TNN: variants seen among roughly 807,000 people sequenced by gnomAD.
The protein encoded by TNN is tenascin-N.
A neutral mutation model predicts 134.4 loss-of-function variants in TNN; 122 were observed. The observed-to-expected ratio is 0.91, with a 90% CI of 0.78 to 1.06. The LOEUF is 1.06. Among genes scored for constraint, TNN ranks in the 50% least tolerant of loss-of-function variants. TNN has a pLI of 0.00. For synonymous variants in TNN, 710 were observed against 670.3 expected (o/e 1.06, Z -0.91); for missense variants, 1,739 against 1,699.4 (o/e 1.02, Z -0.41).
intron 9 of TNN, among the ~76,000 whole-genome samples, chr1:175,099,250 C>G (rs769289292): frequency 6.6e-6 from 1 of 152,214 alleles, no homozygotes; most frequent in African/African-American, 2.4e-5. Context: ...TCAAGCACTG[C>G]TCTTCTAGCT....
chr1:175,123,733 C>T (rs1356275989), intron 12 of TNN, 70 bp downstream of exon 12: 54 of 1,591,910 alleles, frequency 3.4e-5, no homozygotes, highest in Non-Finnish European at 4.4e-5. Context: ...CATCAGTGGG[C>T]TGGGGAGGGG....
intron 10 of TNN, among the ~76,000 whole-genome samples, chr1:175,117,574 G>A (rs757863167): frequency 2.0e-5 from 3 of 152,240 alleles, no homozygotes; most frequent in East Asian, 1.9e-4. Flanking sequence ...CTTTAAGAAC[G>A]TAGATGTCAC....
In TNN at chr1:175,135,916, G is replaced by A; in HGVS notation, c.3402G>A (p.Gly1134=). ...KRWRSYVEGF[G]DPMKEFWLGL... ...GGAGGAGCTATGTGGAAGGCTTTGGGGACCCCATGAAGGAGTTCTGGCTTG... is the reference window on the plus strand; with the variant it reads ...GGAGGAGCTATGTGGAAGGCTTTGGAGACCCCATGAAGGAGTTCTGGCTTG... The change falls in exon 16 of 19, where the codon GGG becomes GGA. Residue 1134 remains glycine, a synonymous_variant. Coordinates refer to ENST00000239462, the MANE Select transcript of TNN (RefSeq NM_022093.2). 6.2e-7 allele frequency: 1 copy of A among 1,613,624 alleles called. No individual in the cohort carries two copies. The highest frequency in any genetic ancestry group is 8.5e-7 in the Non-Finnish European group (1 of 1,179,702).
At position 175,118,832 on chromosome 1, in the gene TNN, A is replaced by G. The variant is rs1406244376; in HGVS notation, c.2650+8A>G. 1 of 1,613,814 alleles carries G rather than the reference A, an allele frequency of 6.2e-7. No individual in the cohort carries two copies. Among genetic ancestry groups the G allele is most frequent in the Admixed American group, 1.7e-5 (1 of 59,906 alleles). On this transcript the variant is annotated splice_region_variant and intron_variant, in intron 11 of 18. Transcript: ENST00000239462. ...ACACCAAGGCCCAGACAGGTAATAG[A>G]AGTGAAGAGAAGAGCAAACCCGGGT... is the stretch of plus-strand genomic sequence containing the variant.
intron 5 of TNN, 81 bp from the exon 6 acceptor site, chr1:175,085,324 G>A: frequency 1.1e-6 from 1 of 892,164 alleles, no homozygotes; most frequent in Non-Finnish European, 1.8e-6. Flanking sequence ...TCCCTCACGG[G>A]AGAAATCCCA....
In TNN at chr1:175,128,113, G is replaced by A; in HGVS notation, c.3127G>A (p.Ala1043Thr). Residue 1043 changes from alanine (A) to threonine (T), a missense_variant, in exon 14 of 19, where the codon GCC becomes ACC. Ala to Thr is a moderately conservative substitution (Grantham distance 58). Coordinates refer to ENST00000239462, the MANE Select transcript of TNN (RefSeq NM_022093.2). ...CGCCACCTACCCTGTCTCCCTTGTTGCCTTTAAGGGTGGTCGCCGGAGCAG... is the reference window on the plus strand; with the variant it reads ...CGCCACCTACCCTGTCTCCCTTGTTACCTTTAAGGGTGGTCGCCGGAGCAG... The part of the protein sequence containing the change: ...QGATYPVSLV[A>T]FKGGRRSRNV... 6.2e-7 allele frequency: 1 copy of A among 1,613,588 alleles called. No homozygotes were observed. The highest frequency in any genetic ancestry group is 1.1e-5 in the South Asian group (1 of 91,064).
intron 9 of TNN, among the ~76,000 whole-genome samples, chr1:175,099,994 C>A (rs879824037): frequency 3.3e-5 from 5 of 152,154 alleles, no homozygotes; most frequent in Non-Finnish European, 7.4e-5. Context: ...CTGTGCTAGG[C>A]CCAAGTCTGG....
intron 6 of TNN, among the ~76,000 whole-genome samples, chr1:175,086,800 A>G (rs926848035): frequency 1.3e-5 from 2 of 152,240 alleles, no homozygotes; most frequent in Admixed American, 6.5e-5. Flanking sequence ...ATAGTGGACT[A>G]GGGAACTGTT....
At chr1:175,135,794 C>T in intron 15 of TNN, 51 bp from the exon 16 acceptor site, 2 of 1,433,966 alleles carry the variant, frequency 1.4e-6, no homozygotes, top group Non-Finnish European at 2.0e-6. Flanking sequence ...TGTCTCCCAG[C>T]ACCTATGTCT....
intron 5 of TNN, 114 bp from the exon 6 acceptor site, chr1:175,085,291 G>A (rs1558350824): frequency 1.5e-6 from 1 of 689,194 alleles, no homozygotes; most frequent in Non-Finnish European, 2.6e-6. Flanking sequence ...CATCTTTGGA[G>A]GAGGAAGCAT....
At chr1:175,089,331 A>G (rs1025944571) in intron 6 of TNN, among the ~76,000 whole-genome samples, 2 of 152,218 alleles carry the variant, frequency 1.3e-5, no homozygotes, top group African/African-American at 4.8e-5. Flanking sequence ...AACTAACACC[A>G]TGACAGGGAA....
Position 175,103,244 on chromosome 1 carries a change from C to T in TNN, c.2119+4649C>T, listed in dbSNP as rs765374871. On this transcript the variant is annotated intron_variant, in intron 9 of 18. Coordinates refer to ENST00000239462, the MANE Select transcript of TNN (RefSeq NM_022093.2). The stretch of plus-strand genomic sequence containing the variant: ...GAAGTTGGTATAAGAATTTGAAAGG[C>T]GTTGTCTGATTTCAGAAGCCTTTTC... 3.6e-4 allele frequency among the ~76,000 whole-genome samples: 52 copies of T among 146,304 alleles called. 8 individuals carry two copies. The highest frequency in any genetic ancestry group is 1.2e-3 in the Admixed American group (17 of 14,642).
At chr1:175,107,257 T>A (rs1280051019) in intron 9 of TNN, among the ~76,000 whole-genome samples, 1 of 145,026 alleles carries the variant, frequency 6.9e-6, no homozygotes, top group Non-Finnish European at 1.5e-5. Context: ...TTCTGGTGGG[T>A]TCGTGGTCTT....
chr1:175,130,897 C>T (rs956244819), intron 15 of TNN, among the ~76,000 whole-genome samples: 3 of 152,136 alleles, frequency 2.0e-5, no homozygotes, highest in Admixed American at 1.3e-4. Context: ...AACCCCACCC[C>T]AAGTCTTGTT....
In TNN at chr1:175,079,621, G is replaced by A; in HGVS notation, c.698G>A (p.Cys233Tyr). 1 of 1,603,316 alleles carries A rather than the reference G, an allele frequency of 6.2e-7. No individual in the cohort carries two copies. The highest frequency in any genetic ancestry group is 1.1e-5 in the South Asian group (1 of 89,464). The change falls in exon 3 of 19, where the codon TGT becomes TAT. Residue 233 changes from cysteine (C) to tyrosine (Y), a missense_variant. Coordinates refer to ENST00000239462, the MANE Select transcript of TNN (RefSeq NM_022093.2). ...TCGGAGGACTGCAGCGAGAAGCGCT[G>A]TCCCGGCGACTGCAGCGGCCACGGC... ...FMSEDCSEKRCPGDCSGHGFC... is the reference protein window; with the variant it reads ...FMSEDCSEKRYPGDCSGHGFC...
Position 175,097,510 on chromosome 1 carries a change from A to T in TNN, c.1682A>T (p.Tyr561Phe). 3 of 1,614,228 alleles carry T rather than the reference A, an allele frequency of 1.9e-6. No homozygotes were observed. Among genetic ancestry groups the T allele is most frequent in the Non-Finnish European group, 2.5e-6 (3 of 1,180,042 alleles). The change falls in exon 8 of 19, where the codon TAC becomes TTC. Residue 561 changes from tyrosine (Y) to phenylalanine (F), a missense_variant. Transcript: ENST00000239462. ...WDPVQATIDK[Y>F]VVRYTSADDQ... ...CCGGTACAGGCCACCATTGACAAGT[A>T]CGTGGTGCGCTACACCTCTGCTGAC...
Position 175,098,365 on chromosome 1 carries a change from G to A in TNN, c.1889G>A (p.Arg630Gln), listed in dbSNP as rs150646718. 5.0e-6 allele frequency: 8 copies of A among 1,614,062 alleles called. No individual in the cohort carries two copies. The highest frequency in any genetic ancestry group is 2.7e-5 in the African/African-American group (2 of 74,918). Residue 630 changes from arginine (R) to glutamine (Q), a missense_variant, in exon 9 of 19, where the codon CGG becomes CAG. Physicochemically the swap from Arg to Gln is conservative, Grantham distance 43. Transcript: ENST00000239462. Reference sequence around the variant, plus strand: ...AGCCCCAAAAACCTGGTGACTGACCGGGTGACAGAGAATATGGCCACGGTC... The same window carrying A: ...AGCCCCAAAAACCTGGTGACTGACCAGGTGACAGAGAATATGGCCACGGTC... Reference protein sequence around the residue: ...IDSPKNLVTDRVTENMATVSW... With the variant: ...IDSPKNLVTDQVTENMATVSW...
intron 10 of TNN, 121 bp from the exon 11 acceptor site, chr1:175,118,440 G>T: frequency 8.3e-7 from 1 of 1,208,752 alleles, no homozygotes; most frequent in Non-Finnish European, 1.2e-6. Context: ...AATGAAACAA[G>T]AGCATATGAG....
intron 4 of TNN, among the ~76,000 whole-genome samples, chr1:175,083,023 G>C (rs961832304): frequency 1.3e-5 from 2 of 150,390 alleles, no homozygotes; most frequent in South Asian, 4.2e-4. Flanking sequence ...ACATTTAGCC[G>C]TTAATACTTT....
Sources: gnomAD v4.1 joint callset for allele counts (sites outside exome capture counted in the v4.1 genomes callset) on GRCh38, gnomAD v4.1.1 for gene constraint, MANE v1.5 for transcripts, NCBI Gene and HGNC (gene_info 2026-07-23, HGNC 2026-07-21) for gene names.